Variants in TNKS observed in about 807,000 individuals in gnomAD.
TNKS encodes the protein tankyrase.
In TNKS, 72 loss-of-function variants were observed where a neutral mutation model predicts 135.8. That is an observed-to-expected ratio of 0.53 (90% confidence interval 0.44 to 0.64). The LOEUF is 0.64. Ranked by LOEUF, TNKS falls within the 30% of genes least tolerant of loss-of-function variation. TNKS has a pLI of 0.00. For missense variants in TNKS, 1,769 were observed against 1,674.0 expected, an observed-to-expected ratio of 1.06 and a Z score of -0.99; for synonymous variants, 849 against 649.3, an observed-to-expected ratio of 1.31 and a Z score of -4.68.
At chr8:9,575,396 C>A in intron 1 of TNKS, 1 of 985,216 alleles carries the variant, frequency 1.0e-6, no homozygotes, top group Non-Finnish European at 1.2e-6. Context: ...TTAAGAGGAA[C>A]AAGGTGGGTC....
chr8:9,675,994 A>G (rs1190147254), intron 3 of TNKS, among the ~76,000 whole-genome samples: 1 of 151,488 alleles, frequency 6.6e-6, no homozygotes, highest in Non-Finnish European at 1.5e-5. Flanking sequence ...TGGTTGAAAG[A>G]GAAAAGTCAG....
chr8:9,600,871 C>T (rs1585215958), intron 2 of TNKS, among the ~76,000 whole-genome samples: 2 of 152,290 alleles, frequency 1.3e-5, no homozygotes, highest in South Asian at 4.1e-4. Context: ...CAATTTGTTT[C>T]TACAGTCAGC....
In TNKS at chr8:9,770,265, A is replaced by C. The variant is rs374253165; in HGVS notation, c.3897+3A>C. The C allele has an allele frequency of 1.7e-5, 27 of 1,605,658 alleles. No individual in the cohort carries two copies. In the African/African-American group the frequency reaches 3.2e-4, roughly 19 times the overall value. ...ATGTCATCTACAGAGGAGAACAGGT[A>C]TGTTACTCATCAAACAAGCATAACC... On this transcript the variant is annotated splice_donor_region_variant and intron_variant, in intron 26 of 26. Transcript: ENST00000310430.
At chr8:9,576,155 T>C (rs1470482858) in intron 1 of TNKS, among the ~76,000 whole-genome samples, 1 of 152,196 alleles carries the variant, frequency 6.6e-6, no homozygotes, top group Non-Finnish European at 1.5e-5. Context: ...TCCTCTGGAC[T>C]GAGGAAGGGA....
rs565539102 is a variant in TNKS at position 9,721,755 on chromosome 8, A to G, written c.1921+1210A>G. On this transcript the variant is annotated intron_variant, in intron 12 of 26. Transcript: ENST00000310430. The stretch of plus-strand genomic sequence containing the variant: ...TATAGGTACCTTTCCAAAAATCTAT[A>G]TAAAACGCCCTAACTAGATCGGGCA... Among the ~76,000 whole-genome samples the G allele has an allele frequency of 1.8e-3, 280 of 152,242 alleles. 1 individual carries two copies. Among genetic ancestry groups the G allele is most frequent in the Admixed American group, 4.2e-3 (64 of 15,292 alleles).
intron 9 of TNKS, among the ~76,000 whole-genome samples, chr8:9,709,611 A>T (rs956306659): frequency 5.3e-5 from 8 of 152,174 alleles, no homozygotes; most frequent in Non-Finnish European, 1.0e-4. Flanking sequence ...CTAATGAAAG[A>T]TTGAGTAACT....
chr8:9,702,871 C>T (rs868395565), intron 5 of TNKS, among the ~76,000 whole-genome samples: 1 of 151,912 alleles, frequency 6.6e-6, no homozygotes, highest in Admixed American at 6.6e-5. Context: ...CAAAAATTAG[C>T]TGGGTATGGT....
rs1230131851 is a variant in TNKS, at chr8:9,780,784, A to C, written c.*4048A>C. ...GTTTCAGACCTGTTCATCTTATTTT[A>C]TGATGGTATATTTCATAAGTAATAT... On this transcript the variant is annotated 3_prime_UTR_variant, in exon 27 of 27. Coordinates refer to ENST00000310430, the MANE Select transcript of TNKS (RefSeq NM_003747.3). 1 of 152,164 alleles carries C rather than the reference A, an allele frequency of 6.6e-6. No homozygotes were observed. Among genetic ancestry groups the C allele is most frequent in the Non-Finnish European group, 1.5e-5 (1 of 68,030 alleles). 9.4% of individuals were successfully genotyped at this position (152,164 alleles called of 1,614,324 possible).
intron 3 of TNKS, among the ~76,000 whole-genome samples, chr8:9,644,701 G>T (rs147987448): frequency 1.3e-5 from 2 of 152,066 alleles, no homozygotes; most frequent in Admixed American, 1.3e-4. Context: ...TGCTTTGTGC[G>T]TTGTTCCTTT....
chr8:9,592,400 T>C (rs760678003), intron 2 of TNKS, among the ~76,000 whole-genome samples: 2 of 152,212 alleles, frequency 1.3e-5, no homozygotes, highest in Non-Finnish European at 2.9e-5. Context: ...ATTCCCGGTA[T>C]TAGGAGACAG....
At chr8:9,619,997 T>C (rs1184160861) in intron 3 of TNKS, among the ~76,000 whole-genome samples, 1 of 151,900 alleles carries the variant, frequency 6.6e-6, no homozygotes, top group Non-Finnish European at 1.5e-5. Context: ...GTCGCCAGGT[T>C]GGAGTGCAGT....
chr8:9,725,699 C>T (rs906012485), intron 12 of TNKS, among the ~76,000 whole-genome samples: 11 of 152,214 alleles, frequency 7.2e-5, no homozygotes, highest in African/African-American at 1.2e-4. Context: ...ATGTAGGCCT[C>T]CTGGAGATCC....
chr8:9,718,773 A>C (rs1228115103), intron 11 of TNKS, among the ~76,000 whole-genome samples: 3 of 152,332 alleles, frequency 2.0e-5, no homozygotes, highest in Non-Finnish European at 4.4e-5. Flanking sequence ...TAATTACCAC[A>C]GTTGAGGGGT....
intron 2 of TNKS, among the ~76,000 whole-genome samples, chr8:9,614,440 T>G (rs1485151416): frequency 6.6e-6 from 1 of 152,238 alleles, no homozygotes. Flanking sequence ...CTGGCAGCTG[T>G]GTCCTAGTTC....
At chr8:9,576,890 A>G (rs1482052048) in intron 1 of TNKS, among the ~76,000 whole-genome samples, 2 of 152,246 alleles carry the variant, frequency 1.3e-5, no homozygotes, top group East Asian at 1.9e-4. Context: ...AAATAATAAC[A>G]TGAAATGTAT....
At chr8:9,704,280 A>T (rs540828287) in intron 5 of TNKS, among the ~76,000 whole-genome samples, 22 of 152,210 alleles carry the variant, frequency 1.4e-4, no homozygotes, top group Non-Finnish European at 2.2e-4. Context: ...AAGGTTAGAA[A>T]TTGAAAGGAG....
At chr8:9,770,286 T>A (rs1308174989) in intron 26 of TNKS, 24 bp downstream of exon 26, 2 of 1,594,076 alleles carry the variant, frequency 1.3e-6, no homozygotes, top group Non-Finnish European at 8.6e-7. Flanking sequence ...CAAACAAGCA[T>A]AACCAAGTTC....
Position 9,556,517 on chromosome 8 carries a change from G to C in TNKS, c.578G>C (p.Gly193Ala). ...GAACTGCTGGAGGCCTGTCGCAATG[G>C]GGACGTGTCCCGGGTAAAGAGGCTG... ...LRELLEACRNGDVSRVKRLVD... is the reference protein window; with the variant it reads ...LRELLEACRNADVSRVKRLVD... The change falls in exon 1 of 27, where the codon GGG becomes GCG. Residue 193 changes from glycine (G) to alanine (A), a missense_variant. By Grantham distance (60) the Gly-to-Ala change is moderately conservative. This residue lies in a region of TNKS where 450 missense variants were observed against 304.9 expected (regional missense o/e 1.48). Coordinates refer to ENST00000310430, the MANE Select transcript of TNKS (RefSeq NM_003747.3). 6.2e-7 allele frequency: 1 copy of C among 1,614,166 alleles called. No homozygotes were observed. The highest frequency in any genetic ancestry group is 8.5e-7 in the Non-Finnish European group (1 of 1,180,040).
intron 3 of TNKS, among the ~76,000 whole-genome samples, chr8:9,668,038 C>G (rs1802083298): frequency 6.6e-6 from 1 of 152,134 alleles, no homozygotes; most frequent in Non-Finnish European, 1.5e-5. Context: ...GGCACCAAAC[C>G]TGCAGCAACT....
Sources: allele counts gnomAD v4.1 joint callset (sites outside exome capture counted in the v4.1 genomes callset), GRCh38; gene constraint gnomAD v4.1.1; regional missense constraint gnomAD v4.1.1; transcripts MANE v1.5; gene names NCBI Gene and HGNC (gene_info 2026-07-23, HGNC 2026-07-21).